Variants in FZR1 observed in about 807,000 individuals in gnomAD.
FZR1 encodes fizzy-related protein homolog.
Under a neutral mutation model 63.6 loss-of-function variants are expected in FZR1, and 11 were observed. The ratio of observed to expected loss-of-function variants is 0.17; its 90% confidence interval spans 0.11 to 0.29. The LOEUF (loss-of-function observed/expected upper bound fraction) is 0.29, where lower values mean the gene tolerates loss of function less well. Ranked by LOEUF, FZR1 falls within the 10% of genes least tolerant of loss-of-function variation. FZR1 has a pLI of 1.00. For synonymous variants in FZR1, 328 were observed against 297.9 expected (o/e 1.10, Z -1.04); for missense variants, 440 against 687.5 (o/e 0.64, Z 4.03).
At chr19:3,531,069 T>C (rs975411535) in intron 8 of FZR1, among the ~76,000 whole-genome samples, 1 of 152,096 alleles carries the variant, frequency 6.6e-6, no homozygotes, top group Non-Finnish European at 1.5e-5. Context: ...CTAGAAAGGA[T>C]GGCAGGTCCA....
rs1395844083 is a variant in FZR1 at position 3,526,683 on chromosome 19, C to T, written c.387+297C>T. 6.6e-6 allele frequency among the ~76,000 whole-genome samples: 1 copy of T among 152,200 alleles called. No homozygotes were observed. Among genetic ancestry groups the T allele is most frequent in the Non-Finnish European group, 1.5e-5 (1 of 68,028 alleles). ...CCCGAACACCCAAGCCGGTGGGGGT[C>T]CTGCCCGTAGGGGGCAGTACTGGGT... is the stretch of plus-strand genomic sequence containing the variant. On this transcript the variant is annotated intron_variant, in intron 5 of 13. Transcript: ENST00000441788. This position sits in a 1 kb window ranked among gnomAD's most constrained non-coding sequence, Gnocchi z 5.4.
chr19:3,528,792 A>AGAGTGGATGGGTACGTGGATGGGT (rs2083191935), intron 7 of FZR1, among the ~76,000 whole-genome samples: 1 of 108,922 alleles, frequency 9.2e-6, no homozygotes, highest in Admixed American at 8.9e-5. Context: ...CGTGGATGGG[A>AGAGTGGATGGGTACGTGGATGGGT]GAGTGGATGG....
chr19:3,531,961 A>C lies in FZR1; in HGVS notation c.874A>C (p.Met292Leu). The C allele has an allele frequency of 1.3e-6, 2 of 1,584,376 alleles. No homozygotes were observed. Among genetic ancestry groups the C allele is most frequent in the Non-Finnish European group, 1.7e-6 (2 of 1,169,558 alleles). Residue 292 changes from methionine (M) to leucine (L), a missense_variant, in exon 10 of 14, where the codon ATG becomes CTG. Around this residue, in one of 5 missense-constraint regions of FZR1, gnomAD observed 208 missense variants for 363.6 expected, o/e 0.57. Transcript: ENST00000441788. Reference sequence around the variant, plus strand: ...GCTGTCGTCCGGGAGCCGCGACCGCATGATCCTGCAGAGGGACATCCGCAC... The same window carrying C: ...GCTGTCGTCCGGGAGCCGCGACCGCCTGATCCTGCAGAGGGACATCCGCAC... ...EQLSSGSRDR[M>L]ILQRDIRTPP... is the part of the protein sequence containing the mutation.
intron 1 of FZR1, among the ~76,000 whole-genome samples, chr19:3,508,470 T>G (rs1273697484): frequency 2.6e-5 from 4 of 152,202 alleles, no homozygotes; most frequent in East Asian, 1.9e-4. Flanking sequence ...GTGCTGTGAT[T>G]ACAGGCGTGC....
intron 6 of FZR1, 85 bp downstream of exon 6, chr19:3,527,147 C>T: frequency 9.0e-7 from 1 of 1,112,596 alleles, no homozygotes. Flanking sequence ...CTCCGCAGCC[C>T]TGTCCCTGCG....
intron 7 of FZR1, among the ~76,000 whole-genome samples, chr19:3,530,542 A>G (rs951806319): frequency 1.4e-5 from 2 of 146,390 alleles, no homozygotes; most frequent in Non-Finnish European, 3.0e-5. Context: ...GGTTGAGTAG[A>G]TGGGAGAGCA....
chr19:3,532,722 G>A lies in FZR1; in HGVS notation c.1242+72G>A. 3 of 1,027,166 alleles carry A rather than the reference G, an allele frequency of 2.9e-6. No individual in the cohort carries two copies. The South Asian group carries it at 3.9e-5, about 13-fold the overall frequency. 63.6% of individuals were successfully genotyped at this position (1,027,166 alleles called of 1,614,324 possible). On this transcript the variant is annotated intron_variant, in intron 11 of 13. Coordinates refer to ENST00000441788, the MANE Select transcript of FZR1 (RefSeq NM_016263.4). The stretch of plus-strand genomic sequence containing the variant: ...CCTGCTGGCCCCTTACCTGCCACCT[G>A]AGAGCAGCCTGTGGGGAGATGGGTC...
intron 1 of FZR1, among the ~76,000 whole-genome samples, chr19:3,512,266 G>A (rs1022219234): frequency 1.1e-4 from 16 of 152,076 alleles, no homozygotes; most frequent in Non-Finnish European, 1.6e-4. Flanking sequence ...CTCTGGGGCC[G>A]TGTGTGCACC....
intron 12 of FZR1, among the ~76,000 whole-genome samples, chr19:3,534,067 T>C (rs1305582930): frequency 6.6e-6 from 1 of 151,684 alleles, no homozygotes; most frequent in African/African-American, 2.4e-5. Context: ...TACAAAACTT[T>C]TTTTAAATGA....
intron 12 of FZR1, among the ~76,000 whole-genome samples, chr19:3,534,095 C>T (rs1219696925): frequency 6.6e-6 from 1 of 151,976 alleles, no homozygotes; most frequent in East Asian, 1.9e-4. Context: ...TGGTGTGCAC[C>T]TGTAGTCCCA....
rs11357702 is a variant in FZR1, at chr19:3,515,766, TAAA to T, written c.-34-7176_-34-7174del. Among the ~76,000 whole-genome samples, 35 of 134,356 alleles carry T rather than the reference TAAA, an allele frequency of 2.6e-4. No individual in the cohort carries two copies. The highest frequency in any genetic ancestry group is 3.7e-4 in the Admixed American group (5 of 13,580). 88.1% of individuals were successfully genotyped at this position (134,356 alleles called of 152,430 possible). On this transcript the variant is annotated intron_variant, in intron 1 of 13. Coordinates refer to ENST00000441788, the MANE Select transcript of FZR1 (RefSeq NM_016263.4). This position sits in a 1 kb window ranked among gnomAD's most constrained non-coding sequence, Gnocchi z 4.6. ...GGGTGACAGAGCCAGACTCCGTCTC[TAAA>T]AAAAAAAAAAAAAGGAATTCAAGAA...
intron 1 of FZR1, among the ~76,000 whole-genome samples, chr19:3,507,032 G>A (rs184044685): frequency 6.6e-6 from 1 of 152,132 alleles, no homozygotes; most frequent in Non-Finnish European, 1.5e-5. Flanking sequence ...GTCCCAGCCC[G>A]GGACACCCGG....
In FZR1 at chr19:3,533,257, GCCCC is replaced by G. The variant is rs1215408579; in HGVS notation, c.1243-36_1243-33del. 7.7e-7 allele frequency: 1 copy of G among 1,291,970 alleles called. No homozygotes were observed. Among genetic ancestry groups the G allele is most frequent in the African/African-American group, 1.5e-5 (1 of 68,590 alleles). The allele number at this position is 1,291,970 out of a possible 1,614,324, so 80.0% of individuals were successfully genotyped here. ...AGCAGGCATAGCACCCGGCCTCGTTGCCCCTCACCGACCGCAGCGCCCCCTCCGC... is the reference window on the plus strand; with the variant it reads ...AGCAGGCATAGCACCCGGCCTCGTTGTCACCGACCGCAGCGCCCCCTCCGC... On this transcript the variant is annotated intron_variant, in intron 11 of 13. Transcript: ENST00000441788. This position sits in a 1 kb window ranked among gnomAD's most constrained non-coding sequence, Gnocchi z 4.9.
At chr19:3,507,104 G>A (rs2122096659) in intron 1 of FZR1, among the ~76,000 whole-genome samples, 1 of 152,172 alleles carries the variant, frequency 6.6e-6, no homozygotes, top group African/African-American at 2.4e-5. Flanking sequence ...TTGAGTGCAT[G>A]GATGTCCCCG....
chr19:3,533,238 C>A lies in FZR1; in HGVS notation c.1243-56C>A. On this transcript the variant is annotated intron_variant, in intron 11 of 13. Coordinates refer to ENST00000441788, the MANE Select transcript of FZR1 (RefSeq NM_016263.4). This position sits in a 1 kb window ranked among gnomAD's most constrained non-coding sequence, Gnocchi z 4.9. Reference sequence around the variant, plus strand: ...AGGCGGGTGCATGTGAGGCAGCAGGCATAGCACCCGGCCTCGTTGCCCCTC... The same window carrying A: ...AGGCGGGTGCATGTGAGGCAGCAGGAATAGCACCCGGCCTCGTTGCCCCTC... 1 of 1,061,402 alleles carries A rather than the reference C, an allele frequency of 9.4e-7. No individual in the cohort carries two copies. Among genetic ancestry groups the A allele is most frequent in the Non-Finnish European group, 1.5e-6 (1 of 682,986 alleles). 65.7% of individuals were successfully genotyped at this position (1,061,402 alleles called of 1,614,324 possible). A position where few individuals can be genotyped will look rare whatever the true frequency, so the allele number is the denominator to read the frequency against.
chr19:3,532,354 G>C, intron 10 of FZR1, 63 bp from the exon 11 acceptor site: 1 of 1,341,328 alleles, frequency 7.5e-7, no homozygotes, highest in Non-Finnish European at 1.0e-6. Flanking sequence ...TCACACCTGT[G>C]AGGACCGGCC....
At chr19:3,523,652 C>T (rs1370263214) in intron 2 of FZR1, among the ~76,000 whole-genome samples, 4 of 152,248 alleles carry the variant, frequency 2.6e-5, no homozygotes, top group African/African-American at 7.2e-5. Context: ...TTAGCCTGGA[C>T]GGCCACCAGT....
chr19:3,510,191 C>A (rs1032806177), intron 1 of FZR1, among the ~76,000 whole-genome samples: 22 of 152,162 alleles, frequency 1.4e-4, no homozygotes, highest in Admixed American at 9.2e-4. Context: ...GGCTGGAGTG[C>A]AGTGGCGCAA....
In FZR1 at chr19:3,514,327, C is replaced by G. The variant is rs1214110876; in HGVS notation, c.-35+7853C>G. On this transcript the variant is annotated intron_variant, in intron 1 of 13. Transcript: ENST00000441788. This position sits in a 1 kb window ranked among gnomAD's most constrained non-coding sequence, Gnocchi z 4.2. ...CAGGTCTCGCTCATTCAAGTCACTT[C>G]CCTGGTTTTGCCCGAGAGCAGGGTC... is the stretch of plus-strand genomic sequence containing the variant. Among the ~76,000 whole-genome samples, 1 of 152,208 alleles carries G rather than the reference C, an allele frequency of 6.6e-6. No individual in the cohort carries two copies. Among genetic ancestry groups the G allele is most frequent in the Non-Finnish European group, 1.5e-5 (1 of 68,024 alleles).
Sources: allele counts gnomAD v4.1 joint callset (sites outside exome capture counted in the v4.1 genomes callset), GRCh38; gene constraint gnomAD v4.1.1; regional missense constraint gnomAD v4.1.1; non-coding constraint Gnocchi (gnomAD v3.1); transcripts MANE v1.5; gene names NCBI Gene and HGNC (gene_info 2026-07-23, HGNC 2026-07-21).